RIN3: variants seen among roughly 807,000 people sequenced by gnomAD.
RIN3 encodes the protein RAB5 interacting protein 3.
RIN3 carries 54 observed loss-of-function variants against 76.3 expected under a neutral mutation model. That is an observed-to-expected ratio of 0.71 (90% confidence interval 0.57 to 0.89). The LOEUF (loss-of-function observed/expected upper bound fraction) is 0.89, where lower values mean the gene tolerates loss of function less well. RIN3 is among the 40% of genes least tolerant of loss of function. The probability of loss-of-function intolerance (pLI) is 0.00; values close to 1 mark genes in which losing one functional copy is unlikely to be tolerated. For missense variants in RIN3, 1,256 were observed against 1,322.1 expected (o/e 0.95, Z 0.78); for synonymous variants, 576 against 564.0 (o/e 1.02, Z -0.30).
intron 2 of RIN3, among the ~76,000 whole-genome samples, chr14:92,558,619 G>C (rs1897666449): frequency 6.6e-6 from 1 of 152,218 alleles, no homozygotes; most frequent in Non-Finnish European, 1.5e-5. Context: ...GGAAGCACCA[G>C]TAGGGGAACC....
intron 1 of RIN3, among the ~76,000 whole-genome samples, chr14:92,526,990 G>A (rs1001269826): frequency 4.6e-5 from 7 of 151,616 alleles, no homozygotes; most frequent in African/African-American, 1.5e-4. Context: ...CTCCATTCTC[G>A]GACTCCATTG....
intron 2 of RIN3, among the ~76,000 whole-genome samples, chr14:92,573,494 G>A (rs1046548393): frequency 0.016 from 2 of 122 alleles, no homozygotes; most frequent in African/African-American, 0.033. Context: ...GGTCACACGG[G>A]GGGCCGAAGT....
intron 7 of RIN3, among the ~76,000 whole-genome samples, chr14:92,672,659 C>CGTGTGT: frequency 9.5e-6 from 1 of 105,092 alleles, no homozygotes; most frequent in African/African-American, 3.1e-5. Flanking sequence ...TATGTGTGTG[C>CGTGTGT]ATGTGTGTGT....
intron 1 of RIN3, among the ~76,000 whole-genome samples, chr14:92,543,735 A>G (rs1897178378): frequency 7.0e-6 from 1 of 143,636 alleles, no homozygotes; most frequent in South Asian, 2.3e-4. Flanking sequence ...GGTGCCCGCC[A>G]CCACACCCGG....
intron 3 of RIN3, among the ~76,000 whole-genome samples, chr14:92,591,543 C>G (rs1484631618): frequency 2.0e-5 from 3 of 151,992 alleles, no homozygotes; most frequent in African/African-American, 4.8e-5. Flanking sequence ...ATACCATTTT[C>G]AAACTACAGA....
chr14:92,621,624 C>T (rs146647287), intron 4 of RIN3, among the ~76,000 whole-genome samples: 3 of 152,228 alleles, frequency 2.0e-5, no homozygotes, highest in African/African-American at 7.2e-5. Flanking sequence ...GTCTAAGGAC[C>T]TGGGATCAAT....
At position 92,520,191 on chromosome 14, in the gene RIN3, G is replaced by A. The variant is rs554341755; in HGVS notation, c.44+6215G>A. On this transcript the variant is annotated intron_variant, in intron 1 of 9. Coordinates refer to ENST00000216487, the MANE Select transcript of RIN3 (RefSeq NM_024832.5). The stretch of plus-strand genomic sequence containing the variant: ...TGTCGGTTCTCTTTTTAGCAGAAAT[G>A]GCCTAGGCCGTGGTTGTGGTCAAGG... Among the ~76,000 whole-genome samples, 24 of 152,386 alleles carry A rather than the reference G, an allele frequency of 1.6e-4. No homozygotes were observed. In the South Asian group the frequency reaches 4.6e-3, roughly 29 times the overall value.
At chr14:92,549,162 T>C (rs2140027620) in intron 1 of RIN3, among the ~76,000 whole-genome samples, 1 of 152,336 alleles carries the variant, frequency 6.6e-6, no homozygotes, top group Middle Eastern at 3.4e-3. Flanking sequence ...TCTCCATTCC[T>C]GTAGACCCCC....
At chr14:92,598,319 A>G (rs1359964607) in intron 3 of RIN3, among the ~76,000 whole-genome samples, 1 of 152,208 alleles carries the variant, frequency 6.6e-6, no homozygotes, top group Non-Finnish European at 1.5e-5. Context: ...GGCATAAGCA[A>G]AAGTGCCTTG....
At chr14:92,535,476 G>C (rs1043191866) in intron 1 of RIN3, among the ~76,000 whole-genome samples, 2 of 151,538 alleles carry the variant, frequency 1.3e-5, no homozygotes, top group African/African-American at 4.8e-5. Flanking sequence ...GGAAGTCTTT[G>C]TTTTACTGCA....
At position 92,652,476 on chromosome 14, in the gene RIN3, C is replaced by G. The variant is rs1887496024; in HGVS notation, c.1427C>G (p.Ala476Gly). 6.2e-7 allele frequency: 1 copy of G among 1,614,042 alleles called. No individual in the cohort carries two copies. The highest frequency in any genetic ancestry group is 8.5e-7 in the Non-Finnish European group (1 of 1,180,042). Residue 476 changes from alanine to glycine, a missense_variant, in exon 6 of 10, where the codon GCT (alanine) becomes GGT (glycine). Coordinates refer to ENST00000216487, the MANE Select transcript of RIN3 (RefSeq NM_024832.5). The surrounding 1 kb of genome is among the most constrained non-coding windows in gnomAD (Gnocchi z 6.4). ...ISRQLASTLP[A>G]PLENAELCTQ... ...CGACAACTGGCCTCGACCCTCCCAG[C>G]TCCCTTAGAGAACGCTGAGCTCTGC...
In RIN3 at chr14:92,688,018, G is replaced by A. The variant is rs749060476; in HGVS notation, c.2724G>A (p.Gln908=). The change falls in exon 10 of 10, where the codon CAG becomes CAA. Residue 908 remains glutamine (Q), a synonymous_variant. Coordinates refer to ENST00000216487, the MANE Select transcript of RIN3 (RefSeq NM_024832.5). ...ADTQAQALCA[Q]CAEKFAVERP... ...CCCAGGCCCAGGCGCTGTGCGCGCA[G>A]TGCGCGGAGAAGTTCGCGGTGGAGC... The A allele has an allele frequency of 2.5e-6, 4 of 1,584,906 alleles. No individual in the cohort carries two copies. In the East Asian group the frequency reaches 9.2e-5, roughly 36 times the overall value.
chr14:92,688,313 G>A lies in RIN3; in HGVS notation c.*61G>A, dbSNP rs1888959886. 4 of 1,428,154 alleles carry A rather than the reference G, an allele frequency of 2.8e-6. No individual in the cohort carries two copies. The highest frequency in any genetic ancestry group is 3.7e-6 in the Non-Finnish European group (4 of 1,079,078). 88.5% of individuals were successfully genotyped at this position (1,428,154 alleles called of 1,614,324 possible). ...CACGTCTGGCCCCGCCTCTGGCTGCGCACTCCCGACCGCGACGTCCACGCA... is the reference window on the plus strand; with the variant it reads ...CACGTCTGGCCCCGCCTCTGGCTGCACACTCCCGACCGCGACGTCCACGCA... On this transcript the variant is annotated 3_prime_UTR_variant, in exon 10 of 10. Transcript: ENST00000216487.
In RIN3 at chr14:92,577,468, G is replaced by C; in HGVS notation, c.358G>C (p.Glu120Gln). ...AEVLEYTIKE[E>Q]KSILYLEGSA... ...GGTGCTCGAATACACCATTAAGGAA[G>C]AAAAGTCGAGTAAGTACCCATCTTC... Residue 120 changes from glutamate to glutamine, a missense_variant, in exon 3 of 10, where the codon GAA (glutamate) becomes CAA (glutamine). Transcript: ENST00000216487. 1.9e-6 allele frequency: 3 copies of C among 1,608,342 alleles called. No individual in the cohort carries two copies. Among genetic ancestry groups the C allele is most frequent in the Non-Finnish European group, 2.6e-6 (3 of 1,175,270 alleles).
At chr14:92,687,841 C>T (rs1013738273) in intron 9 of RIN3, 85 bp from the exon 10 acceptor site, 3 of 1,237,178 alleles carry the variant, frequency 2.4e-6, no homozygotes, top group Non-Finnish European at 3.2e-6. Flanking sequence ...CACCCGCTAT[C>T]CATCCAGGGA....
intron 3 of RIN3, among the ~76,000 whole-genome samples, chr14:92,595,195 C>T (rs1229949407): frequency 6.6e-6 from 1 of 152,114 alleles, no homozygotes; most frequent in Non-Finnish European, 1.5e-5. Context: ...AATCAGGGCT[C>T]TTGTGATCAA....
rs190043139 is a variant in RIN3 at position 92,618,169 on chromosome 14, C to T, written c.440+2690C>T. 2.0e-5 allele frequency among the ~76,000 whole-genome samples: 3 copies of T among 152,300 alleles called. No individual in the cohort carries two copies. In the East Asian group the frequency reaches 5.8e-4, roughly 29 times the overall value. On this transcript the variant is annotated intron_variant, in intron 4 of 9. Transcript: ENST00000216487. ...TAAGGTTCTTCATGTATAAGGCTGG[C>T]TGCAAACTCCTGCACGAATAAAAGT...
At chr14:92,556,957 A>AAGAT (rs1897601965) in intron 2 of RIN3, among the ~76,000 whole-genome samples, 1 of 152,192 alleles carries the variant, frequency 6.6e-6, no homozygotes, top group Non-Finnish European at 1.5e-5. Flanking sequence ...AATGTGGTAC[A>AAGAT]ACCACCACCT....
intron 2 of RIN3, among the ~76,000 whole-genome samples, chr14:92,569,297 G>A (rs1326857612): frequency 6.6e-6 from 1 of 152,196 alleles, no homozygotes; most frequent in Non-Finnish European, 1.5e-5. Flanking sequence ...GGTGAGTGGA[G>A]CGTGGTCCTC....
Sources: allele counts gnomAD v4.1 joint callset (sites outside exome capture counted in the v4.1 genomes callset), GRCh38; gene constraint gnomAD v4.1.1; non-coding constraint Gnocchi (gnomAD v3.1); transcripts MANE v1.5; gene names NCBI Gene and HGNC (gene_info 2026-07-23, HGNC 2026-07-21).